Variants in KAZN observed in about 807,000 individuals in gnomAD.
KAZN encodes the protein kazrin.
A neutral mutation model predicts 87.4 loss-of-function variants in KAZN; 40 were observed. The observed-to-expected ratio is 0.46, with a 90% CI of 0.36 to 0.60. KAZN has a LOEUF of 0.60. Ranked by LOEUF, KAZN falls within the 20% of genes least tolerant of loss-of-function variation. KAZN has a pLI of 0.00. For missense variants in KAZN, 898 were observed against 1,073.9 expected, an observed-to-expected ratio of 0.84 and a Z score of 2.29; for synonymous variants, 466 against 458.3, an observed-to-expected ratio of 1.02 and a Z score of -0.22.
chr1:14,134,523 T>C (rs946567280), intron 1 of KAZN, among the ~76,000 whole-genome samples: 1 of 152,190 alleles, frequency 6.6e-6, no homozygotes, highest in African/African-American at 2.4e-5. Context: ...CATGCGGCCA[T>C]ACAGGCTGAC....
At chr1:14,298,257 C>G (rs933422242) in intron 2 of KAZN, among the ~76,000 whole-genome samples, 1 of 152,152 alleles carries the variant, frequency 6.6e-6, no homozygotes, top group Admixed American at 6.5e-5. Flanking sequence ...CTGGCTCTGT[C>G]TTAAAGGAGG....
chr1:14,115,049 T>C (rs752142275), intron 1 of KAZN, among the ~76,000 whole-genome samples: 5 of 152,198 alleles, frequency 3.3e-5, no homozygotes, highest in African/African-American at 2.4e-5. Context: ...CAGGCTGCCA[T>C]AACAAAGTCC....
intron 2 of KAZN, among the ~76,000 whole-genome samples, chr1:14,210,669 C>A (rs1373137644): frequency 6.6e-6 from 1 of 152,150 alleles, no homozygotes; most frequent in African/African-American, 2.4e-5. Context: ...ATATTTACCA[C>A]AGGGCAATTA....
chr1:14,714,834 G>A (rs1173672593), intron 1 of KAZN, among the ~76,000 whole-genome samples: 14 of 125,712 alleles, frequency 1.1e-4, no homozygotes, highest in South Asian at 4.9e-4. Flanking sequence ...TTGCTCTGTC[G>A]TTCAGGCTGG....
chr1:14,119,369 T>G (rs988497263), intron 1 of KAZN, among the ~76,000 whole-genome samples: 1 of 152,190 alleles, frequency 6.6e-6, no homozygotes, highest in Non-Finnish European at 1.5e-5. Context: ...GGGCAATTAT[T>G]TTTCCTGCTC....
chr1:14,906,177 TATAATAATAATAATA>T (rs869163308), intron 1 of KAZN, among the ~76,000 whole-genome samples: 12 of 33,500 alleles, frequency 3.6e-4, no homozygotes, highest in East Asian at 6.0e-3. Flanking sequence ...AAAAATATAT[TATAATAATAATAATA>T]ATAATAATAA....
intron 2 of KAZN, among the ~76,000 whole-genome samples, chr1:14,454,227 G>A (rs942279978): frequency 1.3e-5 from 2 of 152,264 alleles, no homozygotes; most frequent in Admixed American, 6.5e-5. Flanking sequence ...TGTTTTGTTT[G>A]GGAGGTGTTT....
chr1:14,891,405 C>A (rs566464358), intron 1 of KAZN, among the ~76,000 whole-genome samples: 1 of 152,126 alleles, frequency 6.6e-6, no homozygotes, highest in Non-Finnish European at 1.5e-5. Context: ...TGAGAACATA[C>A]AATGTTTGGG....
intron 1 of KAZN, among the ~76,000 whole-genome samples, chr1:14,747,329 T>G (rs1472768911): frequency 3.9e-5 from 6 of 152,092 alleles, no homozygotes. Context: ...CAGGCTGGAG[T>G]GCAGTGACAC....
intron 2 of KAZN, among the ~76,000 whole-genome samples, chr1:14,428,798 C>T (rs1039588150): frequency 6.6e-6 from 1 of 152,052 alleles, no homozygotes; most frequent in Non-Finnish European, 1.5e-5. Flanking sequence ...GGGGAAACCA[C>T]CCCCATGATT....
chr1:14,795,178 C>G (rs1018875273), intron 1 of KAZN, among the ~76,000 whole-genome samples: 6 of 152,080 alleles, frequency 3.9e-5, no homozygotes, highest in Admixed American at 3.9e-4. Flanking sequence ...CTTGTGATCA[C>G]GTAAGTCCGT....
intron 2 of KAZN, among the ~76,000 whole-genome samples, chr1:14,241,171 G>A (rs912309320): frequency 6.6e-6 from 1 of 152,168 alleles, no homozygotes; most frequent in Non-Finnish European, 1.5e-5. Context: ...AACCTTGGGT[G>A]GGGCAGCCTC....
intron 2 of KAZN, among the ~76,000 whole-genome samples, chr1:14,516,153 G>A (rs958406462): frequency 1.3e-5 from 2 of 152,194 alleles, no homozygotes; most frequent in African/African-American, 4.8e-5. Flanking sequence ...AAAACAGCAG[G>A]ATTTAGTCTT....
chr1:14,401,132 T>C (rs1441277015), intron 2 of KAZN, among the ~76,000 whole-genome samples: 1 of 152,160 alleles, frequency 6.6e-6, no homozygotes, highest in Non-Finnish European at 1.5e-5. Context: ...AGGAATCAAA[T>C]AAGGCTTCAA....
At chr1:14,760,040 C>T (rs1572411669) in intron 1 of KAZN, among the ~76,000 whole-genome samples, 1 of 152,214 alleles carries the variant, frequency 6.6e-6, no homozygotes, top group East Asian at 1.9e-4. Context: ...CGCTCCCTTG[C>T]CTCACCTCAG....
rs201776047 is a variant in KAZN, at chr1:15,044,003, G to A, written c.570G>A (p.Ala190=). 4.2e-4 allele frequency: 677 copies of A among 1,610,808 alleles called. 2 individuals carry two copies. The highest frequency in any genetic ancestry group is 5.4e-4 in the Non-Finnish European group (631 of 1,179,112). Residue 190 remains alanine (A), a synonymous_variant, in exon 4 of 15, where the codon GCG becomes GCA. Coordinates refer to ENST00000376030, the MANE Select transcript of KAZN (RefSeq NM_201628.3). ...YEQHRKESED[A]VKALAKEKDL... ...CCCACCCACAGGAGAGCGAGGATGC[G>A]GTCAAAGCGCTGGCCAAGGAGAAGG... is the stretch of plus-strand genomic sequence containing the variant.
chr1:14,391,802 T>C (rs1029832386), intron 2 of KAZN, among the ~76,000 whole-genome samples: 1 of 152,226 alleles, frequency 6.6e-6, no homozygotes, highest in Non-Finnish European at 1.5e-5. Flanking sequence ...ATTCCATTCC[T>C]GAGTAGTTAT....
intron 2 of KAZN, among the ~76,000 whole-genome samples, chr1:14,363,877 T>C (rs557148893): frequency 6.6e-6 from 1 of 152,246 alleles, no homozygotes; most frequent in East Asian, 1.9e-4. Flanking sequence ...AACCACTGGA[T>C]TAAACACCAT....
At chr1:14,464,828 C>T (rs1359832863) in intron 2 of KAZN, among the ~76,000 whole-genome samples, 1 of 152,026 alleles carries the variant, frequency 6.6e-6, no homozygotes, top group African/African-American at 2.4e-5. Context: ...GGCCACCATA[C>T]TCAGCCTAGT....
Sources: allele counts gnomAD v4.1 joint callset (sites outside exome capture counted in the v4.1 genomes callset), GRCh38; gene constraint gnomAD v4.1.1; transcripts MANE v1.5; gene names NCBI Gene and HGNC (gene_info 2026-07-23, HGNC 2026-07-21).